The following DCAKD variants were observed in gnomAD, a reference collection of about 807,000 sequenced individuals.
DCAKD encodes the protein dephospho-CoA kinase domain containing, also known as dephospho-CoA kinase domain-containing protein.
DCAKD carries 15 observed loss-of-function variants against 18.7 expected under a neutral mutation model. The observed-to-expected ratio is 0.80, with a 90% CI of 0.54 to 1.24. The LOEUF is 1.24. Among genes scored for constraint, DCAKD ranks in the 50% most tolerant of loss-of-function variants. The pLI is 0.00. For synonymous variants in DCAKD, 130 were observed against 133.0 expected (o/e 0.98, Z 0.16); for missense variants, 301 against 322.0 (o/e 0.93, Z 0.50).
intron 1 of DCAKD, among the ~76,000 whole-genome samples, chr17:45,045,566 T>C (rs1026685453): frequency 6.6e-6 from 1 of 152,022 alleles, no homozygotes; most frequent in Admixed American, 6.6e-5. Context: ...ACCCTGTCTC[T>C]ATTAAAAATA....
chr17:45,054,197 T>TATAC, upstream of DCAKD: 1 of 514,358 alleles, frequency 1.9e-6, no homozygotes, highest in South Asian at 1.4e-5. Flanking sequence ...CTCTGCCATG[T>TATAC]ATACATGTAC....
At chr17:45,041,631 C>G (rs1239459206) in intron 1 of DCAKD, among the ~76,000 whole-genome samples, 2 of 152,094 alleles carry the variant, frequency 1.3e-5, no homozygotes, top group African/African-American at 4.8e-5. Flanking sequence ...CTTTTCGACC[C>G]CAAAGCCTCT....
intron 1 of DCAKD, among the ~76,000 whole-genome samples, chr17:45,040,858 C>T (rs764975778): frequency 7.2e-5 from 11 of 152,124 alleles, no homozygotes; most frequent in Non-Finnish European, 1.2e-4. Context: ...CTCCAAATTG[C>T]CTCTCAGTTT....
At chr17:45,033,001 C>T (rs1225301553) in intron 3 of DCAKD, among the ~76,000 whole-genome samples, 1 of 152,108 alleles carries the variant, frequency 6.6e-6, no homozygotes, top group Non-Finnish European at 1.5e-5. Flanking sequence ...GGTGACTGAC[C>T]CCAACCTGTA....
exon 1 of DCAKD, chr17:45,061,064 G>A: frequency 8.0e-7 from 1 of 1,245,614 alleles, no homozygotes. Flanking sequence ...CCAAGGGTCG[G>A]TCCCACCAAC....
At chr17:45,026,877 C>T in intron 4 of DCAKD, 1 of 959,892 alleles carries the variant, frequency 1.0e-6, no homozygotes. Flanking sequence ...AGTAGGTGCA[C>T]ATCCTCCTGA....
At chr17:45,031,418 A>G (rs1484857797) in intron 3 of DCAKD, 1 of 957,964 alleles carries the variant, frequency 1.0e-6, no homozygotes, top group Non-Finnish European at 1.2e-6. Flanking sequence ...TGTAAACCTC[A>G]TCTGTGTAAA....
In DCAKD at chr17:45,034,784, C is replaced by T. The variant is rs2053253438; in HGVS notation, c.102G>A (p.Met34Ile). Reference sequence around the variant, plus strand: ...GCCCCTCCAACTCACCGTGCCGGGCCATCACGTCCACGTCAATCACCGCAC... The same window carrying T: ...GCCCCTCCAACTCACCGTGCCGGGCTATCACGTCCACGTCAATCACCGCAC... ...LGCAVIDVDV[M>I]ARHVVQPGYP... The change falls in exon 2 of 5, where the codon ATG (methionine) becomes ATA (isoleucine). Residue 34 changes from methionine to isoleucine, a missense_variant. By Grantham distance (10) the Met-to-Ile change is conservative. Transcript: ENST00000651974. The T allele has an allele frequency of 6.2e-7, 1 of 1,614,018 alleles. No individual in the cohort carries two copies. Among genetic ancestry groups the T allele is most frequent in the Admixed American group, 1.7e-5 (1 of 59,990 alleles).
Position 45,046,493 on chromosome 17 carries a change from G to A in DCAKD, c.-115+4868C>T, listed in dbSNP as rs538840704. On this transcript the variant is annotated intron_variant, in intron 1 of 4. Coordinates refer to ENST00000651974, the MANE Select transcript of DCAKD (RefSeq NM_001288655.2). The stretch of plus-strand genomic sequence containing the variant: ...TAGCCAGGCGTGGTGGTGCGTGCCT[G>A]TAGTCCCAGCTACTCGGGAGGCTGA... 4.0e-5 allele frequency among the ~76,000 whole-genome samples: 6 copies of A among 151,880 alleles called. No homozygotes were observed. In the South Asian group the frequency reaches 1.3e-3, roughly 32 times the overall value.
chr17:45,047,717 C>G (rs369380658), intron 1 of DCAKD, among the ~76,000 whole-genome samples: 1 of 152,116 alleles, frequency 6.6e-6, no homozygotes, highest in South Asian at 2.1e-4. Context: ...GTTGGTCAGG[C>G]TGGTCTTGAA....
chr17:45,048,057 G>A (rs1362289354), intron 1 of DCAKD, among the ~76,000 whole-genome samples: 3 of 152,032 alleles, frequency 2.0e-5, no homozygotes, highest in Non-Finnish European at 4.4e-5. Context: ...TTTTGTTGCA[G>A]AGAAATATGA....
At chr17:45,041,013 C>G (rs2053421424) in intron 1 of DCAKD, among the ~76,000 whole-genome samples, 1 of 152,158 alleles carries the variant, frequency 6.6e-6, no homozygotes, top group Non-Finnish European at 1.5e-5. Flanking sequence ...TGGCCAAGTT[C>G]TAATCCCACT....
At chr17:45,040,303 C>T (rs112541654) in intron 1 of DCAKD, among the ~76,000 whole-genome samples, 1 of 149,358 alleles carries the variant, frequency 6.7e-6, no homozygotes, top group South Asian at 2.1e-4. Flanking sequence ...AGGAGAATTG[C>T]TTGAACCCGG....
upstream of DCAKD, among the ~76,000 whole-genome samples, chr17:45,052,915 G>A (rs938063818): frequency 1.3e-5 from 2 of 152,012 alleles, no homozygotes; most frequent in Non-Finnish European, 2.9e-5. Flanking sequence ...TGTAATCCCA[G>A]CACTTTGGGA....
chr17:45,041,320 T>TA (rs1436336283), intron 1 of DCAKD, among the ~76,000 whole-genome samples: 5 of 151,844 alleles, frequency 3.3e-5, no homozygotes, highest in Non-Finnish European at 7.4e-5. Flanking sequence ...CGGGCTCTTT[T>TA]TTTTTTTTTG....
Position 45,034,187 on chromosome 17 carries a change from C to A in DCAKD, c.316G>T (p.Gly106Ter). ...MKETFKYFLR[G>*]YRYVILDIPL... ...CCCCGCCCCAGGCCCTGGCACTTAC[C>A]CCGGAGGAAGTACTTGAACGTCTCC... The change falls in exon 3 of 5, where the codon GGA (glycine) becomes TGA (stop). Residue 106 changes from glycine (G) to a stop codon, truncating the protein, a stop_gained and splice_region_variant. Coordinates refer to ENST00000651974, the MANE Select transcript of DCAKD (RefSeq NM_001288655.2). LOFTEE classifies it high-confidence loss of function. The A allele has an allele frequency of 1.2e-6, 2 of 1,612,854 alleles. No individual in the cohort carries two copies. Among genetic ancestry groups the A allele is most frequent in the Non-Finnish European group, 1.7e-6 (2 of 1,179,166 alleles).
At chr17:45,038,230 C>T (rs923481405) in intron 1 of DCAKD, among the ~76,000 whole-genome samples, 18 of 152,100 alleles carry the variant, frequency 1.2e-4, no homozygotes, top group African/African-American at 4.3e-4. Context: ...GTATGCACCA[C>T]CATGCCTGGC....
upstream of DCAKD, chr17:45,054,115 G>A (rs2053755405): frequency 1.9e-6 from 1 of 518,862 alleles, no homozygotes; most frequent in African/African-American, 1.9e-5. Context: ...CAATAAAAAG[G>A]ATTCCATCTT....
intron 1 of DCAKD, among the ~76,000 whole-genome samples, chr17:45,042,937 A>T (rs2053474775): frequency 6.6e-6 from 1 of 152,178 alleles, no homozygotes; most frequent in African/African-American, 2.4e-5. Flanking sequence ...AGCACTCTCC[A>T]AGCACAAACC....
Sources: gnomAD v4.1 joint callset for allele counts (sites outside exome capture counted in the v4.1 genomes callset) on GRCh38, gnomAD v4.1.1 for gene constraint, MANE v1.5 for transcripts, NCBI Gene and HGNC (gene_info 2026-07-23, HGNC 2026-07-21) for gene names.